CSMD3: variants seen among roughly 807,000 people sequenced by gnomAD.
CSMD3 encodes CUB and sushi domain-containing protein 3.
A neutral mutation model predicts 435.2 loss-of-function variants in CSMD3; 177 were observed. The observed-to-expected ratio is 0.41, with a 90% CI of 0.36 to 0.46. The LOEUF is 0.46. Ranked by LOEUF, CSMD3 falls within the 20% of genes least tolerant of loss-of-function variation. The probability of loss-of-function intolerance (pLI) is 0.34; values close to 1 mark genes in which losing one functional copy is unlikely to be tolerated. For synonymous variants in CSMD3, 1,656 were observed against 1,520.5 expected (o/e 1.09, Z -2.07); for missense variants, 4,265 against 4,504.6 (o/e 0.95, Z 1.52).
At chr8:112,644,106 A>G (rs1285786362) in intron 20 of CSMD3, among the ~76,000 whole-genome samples, 2 of 151,808 alleles carry the variant, frequency 1.3e-5, no homozygotes, top group African/African-American at 4.8e-5. Flanking sequence ...ATCAGATTTT[A>G]AAATGAATAA....
intron 53 of CSMD3, among the ~76,000 whole-genome samples, chr8:112,298,711 T>A (rs922936290): frequency 6.6e-6 from 1 of 152,194 alleles, no homozygotes; most frequent in Non-Finnish European, 1.5e-5. Context: ...TGAAAAACTG[T>A]GCTTAACATT....
At chr8:112,251,433 C>T (rs1390717346) in intron 63 of CSMD3, among the ~76,000 whole-genome samples, 1 of 151,558 alleles carries the variant, frequency 6.6e-6, no homozygotes, top group African/African-American at 2.4e-5. Context: ...TGGTCCTAGG[C>T]TTCCTGGTTC....
intron 10 of CSMD3, among the ~76,000 whole-genome samples, chr8:112,915,000 G>C (rs2082533705): frequency 6.6e-6 from 1 of 151,872 alleles, no homozygotes; most frequent in Non-Finnish European, 1.5e-5. Context: ...TCTTCAAGAT[G>C]CTTTTTGCTA....
intron 2 of CSMD3, among the ~76,000 whole-genome samples, chr8:113,280,393 C>G (rs7839695): frequency 0.37 from 55,771 of 151,450 alleles, 11,082 homozygotes; most frequent in African/African-American, 0.52. Context: ...TGAGCTAGGA[C>G]GGTTGTATTT....
At chr8:113,301,907 G>A (rs934475883) in intron 2 of CSMD3, among the ~76,000 whole-genome samples, 1 of 151,826 alleles carries the variant, frequency 6.6e-6, no homozygotes. Context: ...TCATATACAT[G>A]AGATTTTTAA....
At chr8:113,208,928 T>G (rs939699143) in intron 3 of CSMD3, among the ~76,000 whole-genome samples, 3 of 152,176 alleles carry the variant, frequency 2.0e-5, no homozygotes, top group African/African-American at 7.2e-5. Flanking sequence ...TTTTTCATTT[T>G]CTAAATTAAA....
intron 10 of CSMD3, among the ~76,000 whole-genome samples, chr8:112,905,860 T>C (rs1344881265): frequency 6.6e-6 from 1 of 151,410 alleles, no homozygotes; most frequent in African/African-American, 2.4e-5. Context: ...GACTGAATGT[T>C]TGCATTCCTC....
chr8:112,662,718 C>T (rs1279456509), intron 17 of CSMD3, among the ~76,000 whole-genome samples: 1 of 152,046 alleles, frequency 6.6e-6, no homozygotes, highest in Non-Finnish European at 1.5e-5. Flanking sequence ...AAAGAAACTA[C>T]AATCAGAGTG....
intron 1 of CSMD3, among the ~76,000 whole-genome samples, chr8:113,425,151 G>GT (rs1415710394): frequency 5.3e-5 from 8 of 151,508 alleles, no homozygotes; most frequent in African/African-American, 1.9e-4. Context: ...CCCACTGGTT[G>GT]TTTTGCAGAA....
chr8:112,821,373 G>A (rs2079525370), intron 12 of CSMD3, among the ~76,000 whole-genome samples: 1 of 151,396 alleles, frequency 6.6e-6, no homozygotes, highest in Non-Finnish European at 1.5e-5. Context: ...TCTCACTGTG[G>A]TTTTGATTTG....
At chr8:112,796,925 A>G (rs1224248568) in intron 13 of CSMD3, among the ~76,000 whole-genome samples, 1 of 152,030 alleles carries the variant, frequency 6.6e-6, no homozygotes, top group Non-Finnish European at 1.5e-5. Context: ...GCTATGGTAT[A>G]CAGTAATCAG....
intron 13 of CSMD3, among the ~76,000 whole-genome samples, chr8:112,733,855 C>T (rs2132024923): frequency 6.6e-6 from 1 of 152,070 alleles, no homozygotes; most frequent in Non-Finnish European, 1.5e-5. Flanking sequence ...TTGAAGTTTG[C>T]ATATGTAAAA....
chr8:112,292,425 T>G, intron 55 of CSMD3, 112 bp downstream of exon 55: 1 of 1,001,354 alleles, frequency 1.0e-6, no homozygotes. Flanking sequence ...GCTTTTTGTT[T>G]TATTAGATAA....
chr8:112,998,268 T>C (rs1382210067), intron 6 of CSMD3, among the ~76,000 whole-genome samples: 1 of 151,910 alleles, frequency 6.6e-6, no homozygotes, highest in Non-Finnish European at 1.5e-5. Context: ...ATTATCCTTT[T>C]ATCAAAAACA....
chr8:112,878,851 A>G (rs1327177797), intron 10 of CSMD3, among the ~76,000 whole-genome samples: 1 of 152,128 alleles, frequency 6.6e-6, no homozygotes. Flanking sequence ...TTTCATGGAC[A>G]TTTATTAGTT....
At chr8:112,688,630 T>C (rs555566073) in intron 14 of CSMD3, among the ~76,000 whole-genome samples, 1 of 152,212 alleles carries the variant, frequency 6.6e-6, no homozygotes. Context: ...TTTGTATGAG[T>C]TATTTGAAAT....
chr8:112,328,874 G>A (rs1238555010), intron 45 of CSMD3, among the ~76,000 whole-genome samples: 6 of 152,142 alleles, frequency 3.9e-5, no homozygotes, highest in African/African-American at 1.4e-4. Flanking sequence ...ATATGGAACT[G>A]TGCGTCAATT....
intron 54 of CSMD3, among the ~76,000 whole-genome samples, chr8:112,294,236 A>T (rs1363598746): frequency 6.6e-6 from 1 of 152,068 alleles, no homozygotes; most frequent in East Asian, 1.9e-4. Flanking sequence ...GATTGGATCA[A>T]AACAGTATTA....
chr8:112,660,949 G>T (rs547161478), intron 17 of CSMD3, among the ~76,000 whole-genome samples: 1 of 152,246 alleles, frequency 6.6e-6, no homozygotes, highest in Admixed American at 6.5e-5. Context: ...CGGTTGACAA[G>T]TCCAGCTTGG....
Sources: allele counts gnomAD v4.1 joint callset (sites outside exome capture counted in the v4.1 genomes callset), GRCh38; gene constraint gnomAD v4.1.1; transcripts MANE v1.5; gene names NCBI Gene and HGNC (gene_info 2026-07-23, HGNC 2026-07-21).